The following FAM178B variants were observed in gnomAD, a reference collection of about 807,000 sequenced individuals.
FAM178B encodes family with sequence similarity 178 member B, also known as protein FAM178B.
In FAM178B, 82 loss-of-function variants were observed where a neutral mutation model predicts 91.7. That is an observed-to-expected ratio of 0.89 (90% CI 0.75 to 1.07). FAM178B has a LOEUF of 1.07. Ranked by LOEUF, FAM178B falls within the 50% of genes least tolerant of loss-of-function variation. FAM178B has a pLI of 0.00. For synonymous variants in FAM178B, 368 were observed against 359.4 expected (o/e 1.02, Z -0.27); for missense variants, 769 against 846.7 (o/e 0.91, Z 1.14).
intron 15 of FAM178B, 36 bp downstream of exon 15, chr2:96,878,380 C>T (rs752555474): frequency 6.3e-6 from 10 of 1,595,136 alleles, no homozygotes; most frequent in South Asian, 4.4e-5. Flanking sequence ...CACAGCTGGG[C>T]ACCCCCACCA....
intron 4 of FAM178B, 112 bp from the exon 5 acceptor site, chr2:96,967,739 G>A (rs575088580): frequency 1.0e-3 from 709 of 688,502 alleles, no homozygotes; most frequent in Non-Finnish European, 1.5e-3. Flanking sequence ...GGGCTGCGCC[G>A]TCCTGGCTGG....
At chr2:96,916,562 A>C (rs2081244146) in intron 12 of FAM178B, among the ~76,000 whole-genome samples, 1 of 152,210 alleles carries the variant, frequency 6.6e-6, no homozygotes, top group Non-Finnish European at 1.5e-5. Flanking sequence ...CCTGAACAGA[A>C]GTGGGGATGG....
chr2:96,893,240 C>T (rs925171102), intron 14 of FAM178B, among the ~76,000 whole-genome samples: 4 of 152,120 alleles, frequency 2.6e-5, no homozygotes, highest in African/African-American at 9.7e-5. Context: ...CCCTGCTCCC[C>T]AGGAAGCTGA....
chr2:96,938,536 G>A (rs1194929242), intron 8 of FAM178B, among the ~76,000 whole-genome samples: 4 of 152,182 alleles, frequency 2.6e-5, no homozygotes, highest in African/African-American at 9.6e-5. Flanking sequence ...ACAGCTGACT[G>A]GCCACAGGAT....
chr2:96,878,436 C>T lies in FAM178B; in HGVS notation c.1834G>A (p.Asp612Asn), dbSNP rs2080300823. 1 of 1,613,846 alleles carries T rather than the reference C, an allele frequency of 6.2e-7. No individual in the cohort carries two copies. The highest frequency in any genetic ancestry group is 1.1e-5 in the South Asian group (1 of 91,062). ...CTCACCCACTGGTCTGGAGTGATGT[C>T]CTGGCAGCTAACAACTACCCCGGCC... Reference protein sequence around the residue: ...MLAGVVVSCQDITPDQWGELQ... With the variant: ...MLAGVVVSCQNITPDQWGELQ... Residue 612 changes from aspartate (D) to asparagine (N), a missense_variant, in exon 15 of 17, where the codon GAC becomes AAC. By Grantham distance (23) the Asp-to-Asn change is conservative. Transcript: ENST00000490605.
At chr2:96,946,685 G>A (rs1031391993) in intron 8 of FAM178B, among the ~76,000 whole-genome samples, 2 of 152,272 alleles carry the variant, frequency 1.3e-5, no homozygotes, top group African/African-American at 4.8e-5. Flanking sequence ...CTCTGCCTCA[G>A]CGGAGGAGAC....
intron 13 of FAM178B, among the ~76,000 whole-genome samples, chr2:96,894,758 AC>A (rs1484294880): frequency 6.9e-4 from 33 of 48,040 alleles, no homozygotes; most frequent in Non-Finnish European, 1.2e-3. Context: ...CCCCCCACAG[AC>A]CCCCTACCCA....
At chr2:96,981,547 C>G (rs139591927) in intron 1 of FAM178B, among the ~76,000 whole-genome samples, 7 of 151,788 alleles carry the variant, frequency 4.6e-5, no homozygotes, top group Non-Finnish European at 7.4e-5. Context: ...GTGAGGAGAT[C>G]GAGGTCACCC....
At chr2:96,959,049 A>G (rs1248320184) in intron 6 of FAM178B, among the ~76,000 whole-genome samples, 1 of 151,848 alleles carries the variant, frequency 6.6e-6, no homozygotes, top group Non-Finnish European at 1.5e-5. Context: ...AAATACAAAA[A>G]TTAGCCAGGC....
chr2:96,880,497 G>A (rs1245674737), intron 14 of FAM178B, among the ~76,000 whole-genome samples: 2 of 152,196 alleles, frequency 1.3e-5, no homozygotes, highest in Admixed American at 6.5e-5. Flanking sequence ...CTGGGAGAAA[G>A]GATTACAGGG....
chr2:96,875,958 G>T lies in FAM178B; in HGVS notation c.*318C>A. On this transcript the variant is annotated 3_prime_UTR_variant, in exon 17 of 17. Coordinates refer to ENST00000490605, the MANE Select transcript of FAM178B (RefSeq NM_001122646.3). ...AGGGAGACAGAGGAAGGAGGGTGGG[G>T]AGGACTGAGGCCCAGGGAAACCAGA... The T allele has an allele frequency of 2.4e-6, 1 of 413,918 alleles. No homozygotes were observed. Among genetic ancestry groups the T allele is most frequent in the Non-Finnish European group, 4.4e-6 (1 of 227,480 alleles). The allele number at this position is 413,918 out of a possible 1,614,324, so 25.6% of individuals were successfully genotyped here. A position where few individuals can be genotyped will look rare whatever the true frequency, so the allele number is the denominator to read the frequency against.
chr2:96,929,316 T>C lies in FAM178B; in HGVS notation c.1083A>G (p.Glu361=). 1.3e-6 allele frequency: 2 copies of C among 1,549,888 alleles called. No individual in the cohort carries two copies. Among genetic ancestry groups the C allele is most frequent in the Non-Finnish European group, 1.7e-6 (2 of 1,145,492 alleles). ...IVDGIFLQPD[E]DKHLWCPSLQ... The stretch of plus-strand genomic sequence containing the variant: ...GTGAGGGGCACCACAGGTGCTTGTC[T>C]TCATCTGTCAGGCCAAAAGGGAGCA... The change falls in exon 9 of 17, where the codon GAA becomes GAG. Residue 361 remains glutamate, a synonymous_variant. Coordinates refer to ENST00000490605, the MANE Select transcript of FAM178B (RefSeq NM_001122646.3).
chr2:96,909,168 GA>G (rs887001030), intron 12 of FAM178B, among the ~76,000 whole-genome samples: 2 of 147,812 alleles, frequency 1.4e-5, no homozygotes, highest in African/African-American at 5.0e-5. Context: ...AAAGAAAAAA[GA>G]AAAAAGAAAA....
At position 96,878,004 on chromosome 2, in the gene FAM178B, G is replaced by A. The variant is rs1427597556; in HGVS notation, c.1893C>T (p.His631=). The A allele has an allele frequency of 1.9e-6, 3 of 1,612,432 alleles. No homozygotes were observed. Among genetic ancestry groups the A allele is most frequent in the Non-Finnish European group, 2.5e-6 (3 of 1,180,016 alleles). ...GGCTCTCCCGGATCTGCGTGCTGAT[G>A]TGGCGGTCCAACTGCATGCACAGCA... ...LQLLCMQLDR[H]ISTQIRESPQ... is the part of the protein sequence containing the mutation. Residue 631 remains histidine, a synonymous_variant, in exon 16 of 17, where the codon CAC becomes CAT. Transcript: ENST00000490605.
chr2:96,892,651 G>C (rs2080711125), intron 14 of FAM178B, among the ~76,000 whole-genome samples: 4 of 152,160 alleles, frequency 2.6e-5, no homozygotes, highest in Admixed American at 2.6e-4. Context: ...TCACACCTCT[G>C]CTAGGTGAGG....
At chr2:96,947,481 G>A (rs989042667) in intron 8 of FAM178B, among the ~76,000 whole-genome samples, 2 of 152,176 alleles carry the variant, frequency 1.3e-5, no homozygotes, top group Non-Finnish European at 2.9e-5. Flanking sequence ...GCGCTTTCAG[G>A]AAGGACTTGG....
Position 96,972,218 on chromosome 2 carries a change from AGGGCCGCCGGGCAGGGCAGCG to A in FAM178B, c.226_246del (p.Arg76_Pro82del). The A allele has an allele frequency of 6.5e-7, 1 of 1,542,212 alleles. No individual in the cohort carries two copies. Among genetic ancestry groups the A allele is most frequent in the Non-Finnish European group, 8.7e-7 (1 of 1,142,902 alleles). ...GGAGCTGGAGCCGAGGCAGGGCTGC[AGGGCCGCCGGGCAGGGCAGCG>A]GGGCCCCTGGTCCAGGGGATGGTCT... is the stretch of plus-strand genomic sequence containing the variant. On this transcript the variant is annotated inframe_deletion, in exon 3 of 17. Coordinates refer to ENST00000490605, the MANE Select transcript of FAM178B (RefSeq NM_001122646.3).
intron 6 of FAM178B, among the ~76,000 whole-genome samples, chr2:96,957,602 C>G (rs1009040334): frequency 2.6e-5 from 4 of 152,218 alleles, no homozygotes; most frequent in African/African-American, 9.6e-5. Context: ...CAAACACTTC[C>G]TGCACGCCAT....
At chr2:96,935,054 C>T (rs1031582871) in intron 8 of FAM178B, among the ~76,000 whole-genome samples, 1 of 152,226 alleles carries the variant, frequency 6.6e-6, no homozygotes, top group African/African-American at 2.4e-5. Flanking sequence ...TACCAGCAAG[C>T]ACTCGAGGCC....
Sources: allele counts gnomAD v4.1 joint callset (sites outside exome capture counted in the v4.1 genomes callset), GRCh38; gene constraint gnomAD v4.1.1; transcripts MANE v1.5; gene names NCBI Gene and HGNC (gene_info 2026-07-23, HGNC 2026-07-21).